HS6ST3: variants seen among roughly 807,000 people sequenced by gnomAD.
HS6ST3 encodes heparan sulfate 6-O-sulfotransferase 3.
In HS6ST3, 12 loss-of-function variants were observed where a neutral mutation model predicts 36.7. The observed-to-expected ratio is 0.33, with a 90% CI of 0.21 to 0.53. HS6ST3 has a LOEUF of 0.53. Ranked by LOEUF, HS6ST3 falls within the 20% of genes least tolerant of loss-of-function variation. The pLI, the probability that HS6ST3 is intolerant of heterozygous loss-of-function variation, is 0.95. For synonymous variants in HS6ST3, 240 were observed against 257.5 expected (o/e 0.93, Z 0.65); for missense variants, 584 against 640.9 (o/e 0.91, Z 0.96).
At chr13:96,343,274 C>G (rs563559598) in intron 1 of HS6ST3, among the ~76,000 whole-genome samples, 112 of 152,318 alleles carry the variant, frequency 7.4e-4, no homozygotes, top group Non-Finnish European at 2.8e-4. Flanking sequence ...CAACACTTGC[C>G]TCACTGGGCT....
At chr13:96,329,992 C>G (rs1165985243) in intron 1 of HS6ST3, among the ~76,000 whole-genome samples, 4 of 151,224 alleles carry the variant, frequency 2.6e-5, no homozygotes, top group African/African-American at 4.9e-5. Flanking sequence ...TTATCATAGA[C>G]TAGGATTGCA....
chr13:96,134,245 A>G (rs1285224812), intron 1 of HS6ST3, among the ~76,000 whole-genome samples: 1 of 151,866 alleles, frequency 6.6e-6, no homozygotes, highest in African/African-American at 2.4e-5. Context: ...AACTTTTTTT[A>G]TATTTGTCTT....
chr13:96,564,257 G>A (rs889502522), intron 1 of HS6ST3, among the ~76,000 whole-genome samples: 7 of 152,058 alleles, frequency 4.6e-5, no homozygotes, highest in Non-Finnish European at 5.9e-5. Context: ...AAACTCAGAC[G>A]GCATGCAGTT....
At position 96,836,329 on chromosome 13, in the gene HS6ST3, C is replaced by T. The variant is rs1878926785; in HGVS notation, c.*3131C>T. The T allele has an allele frequency of 1.3e-5, 2 of 152,108 alleles. No individual in the cohort carries two copies. The highest frequency in any genetic ancestry group is 2.4e-5 in the African/African-American group (1 of 41,414). 9.4% of individuals were successfully genotyped at this position (152,108 alleles called of 1,614,324 possible). ...TGAGACAACTTTGTGTATATGTGCACGTGTGTGGTGTGTGTGTGTTTTATT... is the reference window on the plus strand; with the variant it reads ...TGAGACAACTTTGTGTATATGTGCATGTGTGTGGTGTGTGTGTGTTTTATT... On this transcript the variant is annotated 3_prime_UTR_variant, in exon 2 of 2. Coordinates refer to ENST00000376705, the MANE Select transcript of HS6ST3 (RefSeq NM_153456.4).
intron 1 of HS6ST3, 94 bp downstream of exon 1, chr13:96,091,663 GC>G: frequency 5.0e-6 from 7 of 1,413,574 alleles, no homozygotes; most frequent in Non-Finnish European, 6.5e-6. Context: ...CCCTGCCCCT[GC>G]CGATGGTTTC....
intron 1 of HS6ST3, among the ~76,000 whole-genome samples, chr13:96,682,023 G>A (rs1193787290): frequency 6.6e-6 from 1 of 152,094 alleles, no homozygotes. Flanking sequence ...GGAAGCCAAG[G>A]AAATGTATTA....
At chr13:96,389,092 G>T (rs1276824110) in intron 1 of HS6ST3, among the ~76,000 whole-genome samples, 1 of 152,150 alleles carries the variant, frequency 6.6e-6, no homozygotes, top group Non-Finnish European at 1.5e-5. Context: ...TGTAGAGATA[G>T]AAAATTAATC....
chr13:96,149,259 C>A (rs1164678811), intron 1 of HS6ST3, among the ~76,000 whole-genome samples: 1 of 152,052 alleles, frequency 6.6e-6, no homozygotes, highest in Non-Finnish European at 1.5e-5. Context: ...GGTGATTTTT[C>A]GATCACTCTG....
intron 1 of HS6ST3, among the ~76,000 whole-genome samples, chr13:96,482,899 T>A (rs2055896431): frequency 1.3e-5 from 2 of 152,210 alleles, no homozygotes; most frequent in Admixed American, 6.5e-5. Context: ...TCCCCACAAA[T>A]GTGCATTTTC....
At chr13:96,750,256 A>G (rs1023831505) in intron 1 of HS6ST3, among the ~76,000 whole-genome samples, 9 of 152,230 alleles carry the variant, frequency 5.9e-5, no homozygotes, top group African/African-American at 1.9e-4. Flanking sequence ...AAAAACTACT[A>G]TCCTTTGGAT....
intron 1 of HS6ST3, among the ~76,000 whole-genome samples, chr13:96,448,626 G>A (rs1250163836): frequency 6.6e-6 from 1 of 151,996 alleles, no homozygotes; most frequent in Non-Finnish European, 1.5e-5. Flanking sequence ...CTTTGCCCCT[G>A]TACATTTTTT....
intron 1 of HS6ST3, among the ~76,000 whole-genome samples, chr13:96,713,017 A>G (rs1012904424): frequency 6.6e-6 from 1 of 152,240 alleles, no homozygotes; most frequent in African/African-American, 2.4e-5. Context: ...ATTTGAGGAT[A>G]TAAAAAGGAT....
chr13:96,296,568 C>T (rs2054855976), intron 1 of HS6ST3, among the ~76,000 whole-genome samples: 2 of 152,066 alleles, frequency 1.3e-5, no homozygotes, highest in East Asian at 1.9e-4. Context: ...AAAACGCTAA[C>T]ATTTTTCCAG....
intron 1 of HS6ST3, chr13:96,427,231 T>C (rs1217336571): frequency 6.5e-6 from 1 of 154,400 alleles, no homozygotes; most frequent in Non-Finnish European, 1.5e-5. Flanking sequence ...TCACTTGTTA[T>C]GTGACCTCGG....
intron 1 of HS6ST3, among the ~76,000 whole-genome samples, chr13:96,420,651 G>T (rs958871280): frequency 2.0e-5 from 3 of 152,084 alleles, no homozygotes; most frequent in Non-Finnish European, 4.4e-5. Flanking sequence ...GACCATGTTT[G>T]TCCTTTTTAC....
At chr13:96,713,533 A>G (rs1422996167) in intron 1 of HS6ST3, among the ~76,000 whole-genome samples, 1 of 152,196 alleles carries the variant, frequency 6.6e-6, no homozygotes, top group Non-Finnish European at 1.5e-5. Context: ...TATGAATTTT[A>G]TTTTAGACCA....
chr13:96,180,380 C>T (rs1042112929), intron 1 of HS6ST3, among the ~76,000 whole-genome samples: 1 of 152,140 alleles, frequency 6.6e-6, no homozygotes, highest in Admixed American at 6.5e-5. Flanking sequence ...TTCTCTGATC[C>T]TAGGAATTAT....
chr13:96,524,106 A>G (rs1202629581), intron 1 of HS6ST3, among the ~76,000 whole-genome samples: 5 of 152,046 alleles, frequency 3.3e-5, no homozygotes, highest in Admixed American at 1.3e-4. Context: ...TTTCCTTCTA[A>G]CAGGCCCCTC....
chr13:96,141,390 G>T (rs1477878700), intron 1 of HS6ST3, among the ~76,000 whole-genome samples: 1 of 151,576 alleles, frequency 6.6e-6, no homozygotes, highest in Non-Finnish European at 1.5e-5. Flanking sequence ...CTGTTACCCT[G>T]TTGCCCAGGC....
Sources: allele counts gnomAD v4.1 joint callset (sites outside exome capture counted in the v4.1 genomes callset), GRCh38; gene constraint gnomAD v4.1.1; transcripts MANE v1.5; gene names NCBI Gene and HGNC (gene_info 2026-07-23, HGNC 2026-07-21).